Variants in TMEM87B observed in about 807,000 individuals in gnomAD.
TMEM87B encodes the protein transmembrane protein 87B.
A neutral mutation model predicts 80.3 loss-of-function variants in TMEM87B; 83 were observed. The observed-to-expected ratio is 1.03, with a 90% CI of 0.87 to 1.24. The LOEUF is 1.24. TMEM87B is among the 50% of genes most tolerant of loss of function. The pLI, the probability that TMEM87B is intolerant of heterozygous loss-of-function variation, is 0.00. For missense variants in TMEM87B, 625 were observed against 674.4 expected (o/e 0.93, Z 0.81); for synonymous variants, 219 against 230.5 (o/e 0.95, Z 0.45).
chr2:112,106,417 C>T (rs1454523404), intron 16 of TMEM87B, among the ~76,000 whole-genome samples: 1 of 152,148 alleles, frequency 6.6e-6, no homozygotes, highest in Non-Finnish European at 1.5e-5. Flanking sequence ...TGTTCATCTG[C>T]ACATTCGAGA....
chr2:112,094,436 C>T (rs1679398065), intron 11 of TMEM87B, among the ~76,000 whole-genome samples: 1 of 152,208 alleles, frequency 6.6e-6, no homozygotes, highest in Non-Finnish European at 1.5e-5. Context: ...GCTGGGATTA[C>T]AGGCGTGAGC....
At chr2:112,055,907 C>A in intron 1 of TMEM87B, 151 bp downstream of exon 1, 1 of 1,137,872 alleles carries the variant, frequency 8.8e-7, no homozygotes, top group Non-Finnish European at 1.2e-6. Context: ...TCTGTTACAG[C>A]CGGGGAGCGG....
intron 17 of TMEM87B, among the ~76,000 whole-genome samples, chr2:112,110,081 A>G (rs934154925): frequency 6.6e-6 from 1 of 151,888 alleles, no homozygotes; most frequent in Non-Finnish European, 1.5e-5. Flanking sequence ...CTTATTTTTG[A>G]CATTTTGGTC....
chr2:112,079,328 T>G (rs1214243530), intron 6 of TMEM87B, among the ~76,000 whole-genome samples: 2 of 152,204 alleles, frequency 1.3e-5, no homozygotes, highest in Non-Finnish European at 2.9e-5. Flanking sequence ...GGAGTTCAAT[T>G]GTTTTAGATT....
intron 4 of TMEM87B, 24 bp downstream of exon 4, chr2:112,067,091 AAAGTTT>A: frequency 1.2e-6 from 2 of 1,604,026 alleles, no homozygotes; most frequent in South Asian, 1.1e-5. Flanking sequence ...TTGCCATGTT[AAAGTTT>A]ATTTTATTCC....
In TMEM87B at chr2:112,055,818, T is replaced by C. The variant is rs1678034265; in HGVS notation, c.165+62T>C. On this transcript the variant is annotated intron_variant, in intron 1 of 18. Coordinates refer to ENST00000283206, the MANE Select transcript of TMEM87B (RefSeq NM_032824.3). ...CGGGCCGTCAGGGCCGTCGTGCGGC[T>C]TCGCTTGACCCCGGGCTTGTTCACC... The C allele has an allele frequency of 8.4e-6, 12 of 1,435,266 alleles. No individual in the cohort carries two copies. In the South Asian group the frequency reaches 1.8e-4, roughly 22 times the overall value. 88.9% of individuals were successfully genotyped at this position (1,435,266 alleles called of 1,614,324 possible).
intron 15 of TMEM87B, among the ~76,000 whole-genome samples, chr2:112,101,876 A>G (rs1373879054): frequency 6.6e-6 from 1 of 152,240 alleles, no homozygotes; most frequent in African/African-American, 2.4e-5. Flanking sequence ...AAATTGGGCA[A>G]TCTGGATGAG....
intron 1 of TMEM87B, among the ~76,000 whole-genome samples, chr2:112,058,687 G>A (rs375686321): frequency 6.6e-6 from 1 of 152,202 alleles, no homozygotes; most frequent in Non-Finnish European, 1.5e-5. Flanking sequence ...AATCACTATG[G>A]CTGCTGTCTA....
intron 15 of TMEM87B, among the ~76,000 whole-genome samples, chr2:112,101,962 C>A (rs1679642401): frequency 6.6e-6 from 1 of 152,094 alleles, no homozygotes; most frequent in East Asian, 1.9e-4. Context: ...TAACCCTGTG[C>A]CACTAAGTCT....
intron 10 of TMEM87B, among the ~76,000 whole-genome samples, chr2:112,089,934 G>C (rs1313256589): frequency 1.3e-5 from 2 of 152,172 alleles, no homozygotes; most frequent in Non-Finnish European, 2.9e-5. Flanking sequence ...CGAAGGCACC[G>C]CTTGATATCA....
At chr2:112,091,898 G>A (rs556680339) in intron 11 of TMEM87B, 115 bp downstream of exon 11, 12 of 768,408 alleles carry the variant, frequency 1.6e-5, no homozygotes, top group South Asian at 9.3e-5. Flanking sequence ...ACCTTAATAC[G>A]AGGGTTCACT....
At chr2:112,064,968 A>G (rs1333673391) in intron 3 of TMEM87B, among the ~76,000 whole-genome samples, 2 of 152,116 alleles carry the variant, frequency 1.3e-5, no homozygotes, top group Non-Finnish European at 1.5e-5. Context: ...ATGTATATGC[A>G]TGTAAATACA....
rs767199877 is a variant in TMEM87B at position 112,081,344 on chromosome 2, G to A, written c.664G>A (p.Val222Met). Residue 222 changes from valine to methionine, a missense_variant, in exon 8 of 19, where the codon GTG becomes ATG. Physicochemically the swap from Val to Met is conservative, Grantham distance 21. Coordinates refer to ENST00000283206, the MANE Select transcript of TMEM87B (RefSeq NM_032824.3). ...GCTTCTCTTCCTACAGTTTTACATG[G>A]TGATGTGTATTGTTTATATATTATA... The part of the protein sequence containing the change: ...SDWPLMIFYM[V>M]MCIVYILYGI... The A allele has an allele frequency of 1.9e-6, 3 of 1,596,502 alleles. No individual in the cohort carries two copies. Among genetic ancestry groups the A allele is most frequent in the African/African-American group, 1.4e-5 (1 of 73,746 alleles).
At chr2:112,115,794 A>G (rs1021550139) in intron 18 of TMEM87B, among the ~76,000 whole-genome samples, 1 of 151,954 alleles carries the variant, frequency 6.6e-6, no homozygotes, top group African/African-American at 2.4e-5. Flanking sequence ...TTATATGGTT[A>G]TTTTTTAATT....
At chr2:112,096,088 T>C (rs1162397330) in intron 11 of TMEM87B, among the ~76,000 whole-genome samples, 1 of 151,644 alleles carries the variant, frequency 6.6e-6, no homozygotes, top group Non-Finnish European at 1.5e-5. Flanking sequence ...TGGACTTAGG[T>C]AAGACTCCTG....
intron 10 of TMEM87B, among the ~76,000 whole-genome samples, chr2:112,091,376 C>T (rs1331972641): frequency 4.6e-5 from 7 of 152,096 alleles, no homozygotes; most frequent in South Asian, 2.1e-4. Flanking sequence ...CAGGAAAGAT[C>T]GGGAGTTCGT....
intron 8 of TMEM87B, among the ~76,000 whole-genome samples, chr2:112,082,338 G>A (rs1679023888): frequency 6.6e-6 from 1 of 152,144 alleles, no homozygotes; most frequent in South Asian, 2.1e-4. Context: ...GCTCACTGCA[G>A]CCTCGACCTC....
chr2:112,075,091 A>G (rs1331417956), intron 5 of TMEM87B, 129 bp downstream of exon 5: 2 of 1,378,324 alleles, frequency 1.5e-6, no homozygotes, highest in African/African-American at 3.1e-5. Context: ...AGGAAAAGGA[A>G]ACATTATTTA....
At chr2:112,070,697 TC>T (rs1328559187) in intron 4 of TMEM87B, among the ~76,000 whole-genome samples, 4 of 152,200 alleles carry the variant, frequency 2.6e-5, no homozygotes, top group African/African-American at 9.7e-5. Flanking sequence ...AATAGTTTTT[TC>T]TAGTTTTGTG....
Sources: allele counts gnomAD v4.1 joint callset (sites outside exome capture counted in the v4.1 genomes callset), GRCh38; gene constraint gnomAD v4.1.1; transcripts MANE v1.5; gene names NCBI Gene and HGNC (gene_info 2026-07-23, HGNC 2026-07-21).